The following CTBP2 variants were observed in gnomAD, a reference collection of about 807,000 sequenced individuals.
CTBP2 encodes C-terminal binding protein 2.
In CTBP2, 30 loss-of-function variants were observed where a neutral mutation model predicts 80.3. That is an observed-to-expected ratio of 0.37 (90% CI 0.28 to 0.51). CTBP2 has a LOEUF of 0.51. Ranked by LOEUF, CTBP2 falls within the 20% of genes least tolerant of loss-of-function variation. The probability of loss-of-function intolerance (pLI) is 0.93; values close to 1 mark genes in which losing one functional copy is unlikely to be tolerated. For synonymous variants in CTBP2, 594 were observed against 587.4 expected, an observed-to-expected ratio of 1.01 and a Z score of -0.16; for missense variants, 1,212 against 1,375.3, an observed-to-expected ratio of 0.88 and a Z score of 1.88.
At chr10:125,048,420 G>A (rs904095359) in intron 2 of CTBP2, among the ~76,000 whole-genome samples, 2 of 152,192 alleles carry the variant, frequency 1.3e-5, no homozygotes, top group African/African-American at 2.4e-5. Flanking sequence ...GCATTTCCCC[G>A]AAAGTTCCAG....
At position 125,159,230 on chromosome 10, in the gene CTBP2, G is replaced by A. The variant is rs1032684536; in HGVS notation, c.-206+1089C>T. ...GCGCCGCACCGGGTCCCTGCCGCCC[G>A]GGGCGCGCCCTAGCCAGCCCCTCCT... On this transcript the variant is annotated intron_variant, in intron 1 of 10. Transcript: ENST00000337195. Among the ~76,000 whole-genome samples the A allele has an allele frequency of 5.0e-3, 755 of 150,686 alleles. 7 individuals carry two copies. Among genetic ancestry groups the A allele is most frequent in the African/African-American group, 0.017 (688 of 41,342 alleles).
chr10:125,011,727 G>A (rs538028557), intron 1 of CTBP2, among the ~76,000 whole-genome samples: 24 of 152,350 alleles, frequency 1.6e-4, no homozygotes, highest in Admixed American at 2.0e-4. Context: ...CGCGCTATGC[G>A]GAACGGAGGA....
rs1959167210 is a variant in CTBP2 at position 125,038,986 on chromosome 10, C to T, written c.58+11G>A. ...CGTATGTTTGGTAAAAACCGCCAAA[C>T]ACGCTCTTACCTTCACAAATTCTGT... is the stretch of plus-strand genomic sequence containing the variant. On this transcript the variant is annotated intron_variant, in intron 3 of 10. Transcript: ENST00000337195. 1 of 1,612,758 alleles carries T rather than the reference C, an allele frequency of 6.2e-7. No homozygotes were observed. The highest frequency in any genetic ancestry group is 8.5e-7 in the Non-Finnish European group (1 of 1,179,422).
At chr10:125,154,641 AGTGTC>A (rs972908666) in intron 1 of CTBP2, among the ~76,000 whole-genome samples, 27 of 87,764 alleles carry the variant, frequency 3.1e-4, no homozygotes, top group African/African-American at 1.7e-3. Flanking sequence ...GTTCTCACCG[AGTGTC>A]GTTGCTAAAA....
At chr10:125,111,131 A>G (rs2135929097) in intron 1 of CTBP2, 38 bp from the exon 2 acceptor site, 1 of 148,526 alleles carries the variant, frequency 6.7e-6, no homozygotes, top group African/African-American at 2.6e-5. Context: ...AAGATGAAGT[A>G]GAGATTTTTT....
At chr10:125,144,297 C>T (rs998353039) in intron 1 of CTBP2, among the ~76,000 whole-genome samples, 16 of 152,194 alleles carry the variant, frequency 1.1e-4, no homozygotes, top group African/African-American at 3.6e-4. Flanking sequence ...ATTCTCTGGA[C>T]GGCCTGGTAT....
At chr10:125,141,200 G>A (rs1373414163) in intron 1 of CTBP2, among the ~76,000 whole-genome samples, 1 of 152,016 alleles carries the variant, frequency 6.6e-6, no homozygotes, top group Non-Finnish European at 1.5e-5. Flanking sequence ...TGAGTCAGTT[G>A]CAGCTTATAT....
chr10:125,151,818 G>T (rs1292045268), intron 1 of CTBP2, among the ~76,000 whole-genome samples: 1 of 152,192 alleles, frequency 6.6e-6, no homozygotes, highest in East Asian at 1.9e-4. Flanking sequence ...CGACCCTGCT[G>T]GCTTGAGGCG....
intron 2 of CTBP2, among the ~76,000 whole-genome samples, chr10:125,058,099 T>G (rs1186374814): frequency 6.6e-6 from 1 of 152,024 alleles, no homozygotes; most frequent in African/African-American, 2.4e-5. Context: ...CTTTATGAAC[T>G]GTTACAGAGT....
intron 1 of CTBP2, among the ~76,000 whole-genome samples, chr10:125,010,798 A>C (rs1458646755): frequency 6.6e-6 from 1 of 152,194 alleles, no homozygotes; most frequent in Non-Finnish European, 1.5e-5. Context: ...CACACCTTCT[A>C]AACTTAGAAA....
At chr10:125,111,049 G>GGAA (rs1251457444) in exon 2 of CTBP2, 1 of 152,598 alleles carries the variant, frequency 6.6e-6, no homozygotes, top group Non-Finnish European at 1.5e-5. Context: ...TCTTTTTAAG[G>GGAA]GAATACACCT....
chr10:124,995,105 A>G (rs1348909671), intron 4 of CTBP2, among the ~76,000 whole-genome samples: 2 of 152,094 alleles, frequency 1.3e-5, no homozygotes, highest in East Asian at 1.9e-4. Flanking sequence ...ACTTGCTCTC[A>G]ATGTCACAGG....
At chr10:125,050,133 T>TACAAG (rs1962361812) in intron 2 of CTBP2, among the ~76,000 whole-genome samples, 1 of 152,142 alleles carries the variant, frequency 6.6e-6, no homozygotes, top group Non-Finnish European at 1.5e-5. Context: ...TATGTTTGCT[T>TACAAG]TATGAGGGCA....
At chr10:125,150,760 G>A (rs1327827540) in intron 1 of CTBP2, among the ~76,000 whole-genome samples, 1 of 149,754 alleles carries the variant, frequency 6.7e-6, no homozygotes, top group Admixed American at 6.7e-5. Context: ...TCTGACCCAC[G>A]TATTCAACGG....
intron 8 of CTBP2, among the ~76,000 whole-genome samples, chr10:124,992,221 T>TTA (rs1554947935): frequency 4.0e-5 from 6 of 149,486 alleles, no homozygotes; most frequent in African/African-American, 1.5e-4. Flanking sequence ...TTTTTTTTTT[T>TTA]TTTTTTTGGT....
chr10:125,127,486 T>C (rs552412662), intron 1 of CTBP2, among the ~76,000 whole-genome samples: 12 of 152,188 alleles, frequency 7.9e-5, no homozygotes, highest in Admixed American at 2.0e-4. Context: ...ATCAATAATT[T>C]TTTGGGAGAA....
At chr10:125,135,702 C>T (rs959502112) in intron 1 of CTBP2, among the ~76,000 whole-genome samples, 11 of 152,132 alleles carry the variant, frequency 7.2e-5, no homozygotes, top group Non-Finnish European at 1.5e-4. Flanking sequence ...AGTGAAACAG[C>T]CCTGAAAGAT....
chr10:125,147,383 G>C (rs1424058510), intron 1 of CTBP2, among the ~76,000 whole-genome samples: 5 of 152,186 alleles, frequency 3.3e-5, no homozygotes, highest in Non-Finnish European at 7.3e-5. Context: ...AGAGAAAGTA[G>C]GTCTTAAATA....
intron 2 of CTBP2, among the ~76,000 whole-genome samples, chr10:125,077,201 G>T (rs529291061): frequency 6.6e-6 from 1 of 152,330 alleles, no homozygotes; most frequent in South Asian, 2.1e-4. Flanking sequence ...TGTCGCTATT[G>T]TAAGCGGAAA....
Sources: allele counts gnomAD v4.1 joint callset (sites outside exome capture counted in the v4.1 genomes callset), GRCh38; gene constraint gnomAD v4.1.1; transcripts MANE v1.5; gene names NCBI Gene and HGNC (gene_info 2026-07-23, HGNC 2026-07-21).